Variants in PDE7B observed in about 807,000 individuals in gnomAD.
The protein encoded by PDE7B is phosphodiesterase 7B.
PDE7B carries 29 observed loss-of-function variants against 56.2 expected under a neutral mutation model. The observed-to-expected ratio is 0.52, with a 90% CI of 0.38 to 0.70. PDE7B has a LOEUF of 0.70. Among genes scored for constraint, PDE7B ranks in the 30% least tolerant of loss-of-function variants. PDE7B has a pLI of 0.00. For missense variants in PDE7B, 490 were observed against 565.0 expected (o/e 0.87, Z 1.35); for synonymous variants, 197 against 196.9 (o/e 1.00, Z 0.00).
In PDE7B at chr6:136,172,974, CT is replaced by C. The variant is rs1289429932; in HGVS notation, c.712-822del. 2.6e-5 allele frequency among the ~76,000 whole-genome samples: 4 copies of C among 151,830 alleles called. No homozygotes were observed. The East Asian group carries it at 7.7e-4, about 29-fold the overall frequency. On this transcript the variant is annotated intron_variant, in intron 8 of 12. Coordinates refer to ENST00000308191, the MANE Select transcript of PDE7B (RefSeq NM_018945.4). ...ACGTGAAGGACCTCTTCAAGGAGAA[CT>C]ACAAACCACTGCTCAATGAAATAAA...
chr6:136,091,101 A>G (rs1777377786), intron 2 of PDE7B, among the ~76,000 whole-genome samples: 1 of 152,148 alleles, frequency 6.6e-6, no homozygotes, highest in African/African-American at 2.4e-5. Context: ...TTTGGGTGAG[A>G]CCTTTAACAT....
chr6:135,872,132 T>G (rs1223470153), intron 1 of PDE7B, among the ~76,000 whole-genome samples: 1 of 152,212 alleles, frequency 6.6e-6, no homozygotes, highest in Non-Finnish European at 1.5e-5. Context: ...TCCAGCCTTT[T>G]TAAAGGCTTG....
intron 2 of PDE7B, among the ~76,000 whole-genome samples, chr6:136,089,374 A>C (rs1777347419): frequency 1.3e-5 from 2 of 152,222 alleles, no homozygotes; most frequent in Admixed American, 1.3e-4. Context: ...TCAATAAATA[A>C]ATGGTTCCAT....
At chr6:136,116,133 G>A (rs1267751184) in intron 3 of PDE7B, among the ~76,000 whole-genome samples, 1 of 152,214 alleles carries the variant, frequency 6.6e-6, no homozygotes, top group East Asian at 1.9e-4. Flanking sequence ...AGAGATTACT[G>A]AAGTAACCTG....
At chr6:135,982,000 C>T (rs925795784) in intron 2 of PDE7B, among the ~76,000 whole-genome samples, 5 of 152,058 alleles carry the variant, frequency 3.3e-5, no homozygotes, top group Admixed American at 2.0e-4. Context: ...AGTCACTAGA[C>T]GATAGGAACT....
intron 2 of PDE7B, among the ~76,000 whole-genome samples, chr6:135,994,716 A>C (rs1055742219): frequency 6.6e-6 from 1 of 152,180 alleles, no homozygotes; most frequent in African/African-American, 2.4e-5. Context: ...GATCTAGCAC[A>C]GGTTTGGCAT....
At chr6:135,912,011 G>A (rs1776219994) in intron 1 of PDE7B, among the ~76,000 whole-genome samples, 1 of 152,174 alleles carries the variant, frequency 6.6e-6, no homozygotes, top group South Asian at 2.1e-4. Flanking sequence ...AGGAGTTCTA[G>A]AGCTATAGAA....
intron 1 of PDE7B, among the ~76,000 whole-genome samples, chr6:135,861,850 C>T (rs1775154119): frequency 6.6e-6 from 1 of 151,770 alleles, no homozygotes; most frequent in African/African-American, 2.4e-5. Flanking sequence ...CCTTGCTAGA[C>T]ATATTACTGG....
chr6:135,914,949 C>T (rs958205341), intron 1 of PDE7B, among the ~76,000 whole-genome samples: 1 of 151,700 alleles, frequency 6.6e-6, no homozygotes, highest in South Asian at 2.1e-4. Context: ...AACAATTAGC[C>T]AGGTGTGGTG....
chr6:136,177,072 T>C (rs758044940), intron 9 of PDE7B, among the ~76,000 whole-genome samples: 5 of 127,534 alleles, frequency 3.9e-5, no homozygotes, highest in Non-Finnish European at 7.4e-5. Context: ...TAGAATATGA[T>C]GTAGGGAAAT....
chr6:136,159,723 T>C (rs1006506466), intron 8 of PDE7B, among the ~76,000 whole-genome samples: 3 of 152,238 alleles, frequency 2.0e-5, no homozygotes, highest in Non-Finnish European at 2.9e-5. Context: ...TCCTGTTGTT[T>C]TTCTTTCTGT....
intron 2 of PDE7B, among the ~76,000 whole-genome samples, chr6:136,036,470 C>A (rs1250980833): frequency 2.6e-5 from 4 of 152,014 alleles, no homozygotes; most frequent in Non-Finnish European, 5.9e-5. Flanking sequence ...GCTTTTCCAT[C>A]CAGAAAAAAG....
intron 9 of PDE7B, among the ~76,000 whole-genome samples, chr6:136,174,115 A>C (rs1778938561): frequency 6.6e-6 from 1 of 152,168 alleles, no homozygotes; most frequent in South Asian, 2.1e-4. Context: ...AATGACCTAC[A>C]GTCAGGAAAA....
chr6:136,149,126 T>C lies in PDE7B; in HGVS notation c.358T>C (p.Phe120Leu), dbSNP rs1778468367. 1.9e-6 allele frequency: 3 copies of C among 1,612,660 alleles called. No homozygotes were observed. The change falls in exon 5 of 13, where the codon TTC (phenylalanine) becomes CTC (leucine). Residue 120 changes from phenylalanine to leucine, a missense_variant. Transcript: ENST00000308191. ...SKVGMWDFDI[F>L]LFDRLTNGNS... is the part of the protein sequence containing the mutation. The stretch of plus-strand genomic sequence containing the variant: ...AGTGGGAATGTGGGATTTTGACATT[T>C]TCTTGTTTGATCGCTTGACAAATGG...
chr6:136,181,131 G>A (rs1779056920), intron 10 of PDE7B, 96 bp from the exon 11 acceptor site: 3 of 819,644 alleles, frequency 3.7e-6, no homozygotes, highest in Non-Finnish European at 6.4e-6. Flanking sequence ...GGTACTGTGA[G>A]CAGACTGAAC....
chr6:136,163,891 T>G (rs918883356), intron 8 of PDE7B, among the ~76,000 whole-genome samples: 1 of 152,202 alleles, frequency 6.6e-6, no homozygotes, highest in African/African-American at 2.4e-5. Context: ...ATTGTCCATA[T>G]CACTATCAGC....
At chr6:136,041,557 TAGAA>T (rs1776413555) in intron 2 of PDE7B, among the ~76,000 whole-genome samples, 1 of 152,158 alleles carries the variant, frequency 6.6e-6, no homozygotes, top group Non-Finnish European at 1.5e-5. Flanking sequence ...TGGGAGATGA[TAGAA>T]GGAAGGAAGA....
At chr6:135,869,437 T>C (rs756130235) in intron 1 of PDE7B, among the ~76,000 whole-genome samples, 2 of 152,186 alleles carry the variant, frequency 1.3e-5, no homozygotes, top group Non-Finnish European at 1.5e-5. Flanking sequence ...CTCTCATTAC[T>C]TAATTAGCAT....
chr6:136,026,529 C>T (rs1776154328), intron 2 of PDE7B, among the ~76,000 whole-genome samples: 1 of 152,166 alleles, frequency 6.6e-6, no homozygotes, highest in African/African-American at 2.4e-5. Context: ...TGTTTAGCAG[C>T]CAGATATGAT....
Sources: gnomAD v4.1 joint callset for allele counts (sites outside exome capture counted in the v4.1 genomes callset) on GRCh38, gnomAD v4.1.1 for gene constraint, MANE v1.5 for transcripts, NCBI Gene and HGNC (gene_info 2026-07-23, HGNC 2026-07-21) for gene names.